Variants in TAFA2 observed in about 807,000 individuals in gnomAD.
TAFA2 encodes the protein chemokine-like protein TAFA-2.
A neutral mutation model predicts 18.8 loss-of-function variants in TAFA2; 7 were observed. The ratio of observed to expected loss-of-function variants is 0.37; its 90% CI spans 0.21 to 0.70. TAFA2 has a LOEUF of 0.70. Among genes scored for constraint, TAFA2 ranks in the 30% least tolerant of loss-of-function variants. The pLI is 0.53. For missense variants in TAFA2, 122 were observed against 158.1 expected (o/e 0.77, Z 1.23); for synonymous variants, 60 against 54.2 (o/e 1.11, Z -0.47).
intron 2 of TAFA2, among the ~76,000 whole-genome samples, chr12:61,862,485 A>G (rs1874169594): frequency 6.6e-6 from 1 of 152,216 alleles, no homozygotes; most frequent in South Asian, 2.1e-4. Flanking sequence ...GGATTTCTAC[A>G]GTGTTCCTAC....
intron 4 of TAFA2, among the ~76,000 whole-genome samples, chr12:61,717,696 T>C (rs1014238560): frequency 1.3e-5 from 2 of 152,282 alleles, no homozygotes; most frequent in South Asian, 2.1e-4. Flanking sequence ...TATATTTAGG[T>C]GTAAATCAGT....
intron 4 of TAFA2, among the ~76,000 whole-genome samples, chr12:61,750,363 A>G (rs1417399964): frequency 1.3e-5 from 2 of 151,996 alleles, no homozygotes; most frequent in African/African-American, 4.8e-5. Context: ...TTGGGAAACA[A>G]CTGTTGCATC....
At chr12:62,218,437 A>T (rs1286853040) in intron 1 of TAFA2, among the ~76,000 whole-genome samples, 2 of 152,210 alleles carry the variant, frequency 1.3e-5, no homozygotes, top group Non-Finnish European at 2.9e-5. Context: ...GTAGGCTCAC[A>T]TCCCTAGTTA....
chr12:62,155,500 C>A (rs1012509444), intron 1 of TAFA2, among the ~76,000 whole-genome samples: 1 of 152,034 alleles, frequency 6.6e-6, no homozygotes, highest in Non-Finnish European at 1.5e-5. Context: ...CAAGACTAAG[C>A]AAAATGAACA....
At chr12:61,890,700 GGT>G (rs1299434052) in intron 1 of TAFA2, among the ~76,000 whole-genome samples, 18 of 152,250 alleles carry the variant, frequency 1.2e-4, no homozygotes, top group African/African-American at 3.9e-4. Flanking sequence ...CCTCTTGACA[GGT>G]TAAATTTTGA....
chr12:62,032,100 G>A (rs964021946), intron 1 of TAFA2, among the ~76,000 whole-genome samples: 1 of 152,088 alleles, frequency 6.6e-6, no homozygotes, highest in Non-Finnish European at 1.5e-5. Flanking sequence ...GTTATTGATG[G>A]CACAATACCA....
At chr12:61,928,559 C>A (rs1212624959) in intron 1 of TAFA2, among the ~76,000 whole-genome samples, 1 of 152,154 alleles carries the variant, frequency 6.6e-6, no homozygotes, top group Non-Finnish European at 1.5e-5. Flanking sequence ...TGCTTTTACA[C>A]TGTTGTGGGA....
chr12:61,990,731 C>T (rs1184050044), intron 1 of TAFA2, among the ~76,000 whole-genome samples: 1 of 152,168 alleles, frequency 6.6e-6, no homozygotes, highest in African/African-American at 2.4e-5. Flanking sequence ...TGTGGTAGTG[C>T]TTAGCAAACA....
chr12:62,060,759 T>C (rs1021253847), intron 1 of TAFA2, among the ~76,000 whole-genome samples: 3 of 152,152 alleles, frequency 2.0e-5, no homozygotes, highest in Admixed American at 6.5e-5. Flanking sequence ...CCTGACCCCG[T>C]CTAGGCCTAG....
intron 1 of TAFA2, among the ~76,000 whole-genome samples, chr12:62,112,102 G>C (rs1869759081): frequency 1.3e-5 from 2 of 152,084 alleles, no homozygotes; most frequent in Non-Finnish European, 2.9e-5. Context: ...TTACAATTTG[G>C]TGTGTTTTTG....
At chr12:62,204,316 T>C (rs1439379823) in intron 1 of TAFA2, among the ~76,000 whole-genome samples, 1 of 152,092 alleles carries the variant, frequency 6.6e-6, no homozygotes, top group Non-Finnish European at 1.5e-5. Flanking sequence ...TTATGTGTCT[T>C]GGGGTTGATC....
chr12:61,764,696 C>T (rs1869713111), intron 2 of TAFA2, among the ~76,000 whole-genome samples: 1 of 152,010 alleles, frequency 6.6e-6, no homozygotes, highest in African/African-American at 2.4e-5. Context: ...ATCTTTTAAA[C>T]CTTTCAGAAA....
intron 1 of TAFA2, among the ~76,000 whole-genome samples, chr12:61,953,157 A>G (rs998591169): frequency 1.3e-5 from 2 of 152,124 alleles, no homozygotes; most frequent in Non-Finnish European, 2.9e-5. Flanking sequence ...GAGCCAGTTC[A>G]GTGTCCTGAG....
chr12:61,850,780 A>G lies in TAFA2; in HGVS notation c.106+16540T>C, dbSNP rs148892763. ...AAAGTATGCAATACCTCACCCTCAA[A>G]TATATTAAAAACTAGAAAGAAAATC... On this transcript the variant is annotated intron_variant, in intron 2 of 4. Transcript: ENST00000416284. Among the ~76,000 whole-genome samples, 349 of 152,278 alleles carry G rather than the reference A, an allele frequency of 2.3e-3. 1 individual carries two copies. The highest frequency in any genetic ancestry group is 8.0e-3 in the African/African-American group (331 of 41,558).
At chr12:61,808,601 CATGTAGTTT>C (rs1272340742) in intron 2 of TAFA2, among the ~76,000 whole-genome samples, 3 of 151,290 alleles carry the variant, frequency 2.0e-5, no homozygotes, top group Non-Finnish European at 2.9e-5. Context: ...AGAAAAAAGT[CATGTAGTTT>C]AGCAGGAAGT....
intron 1 of TAFA2, among the ~76,000 whole-genome samples, chr12:61,879,000 G>T (rs1316547045): frequency 2.0e-5 from 3 of 152,150 alleles, no homozygotes; most frequent in African/African-American, 7.2e-5. Context: ...TTAGTAATTA[G>T]CACAGCCAGA....
intron 1 of TAFA2, among the ~76,000 whole-genome samples, chr12:62,030,774 G>A (rs1022697130): frequency 6.6e-6 from 1 of 151,278 alleles, no homozygotes; most frequent in Non-Finnish European, 1.5e-5. Context: ...GGAAACAGAG[G>A]TTTGTTGTTG....
chr12:61,846,171 T>C (rs1301291513), intron 2 of TAFA2, among the ~76,000 whole-genome samples: 1 of 152,174 alleles, frequency 6.6e-6, no homozygotes, highest in Non-Finnish European at 1.5e-5. Context: ...AACTGATCAA[T>C]AGCAATATCC....
intron 1 of TAFA2, chr12:62,252,884 G>C (rs1430172488): frequency 2.6e-5 from 4 of 152,212 alleles, no homozygotes; most frequent in African/African-American, 9.7e-5. Context: ...GGTGGAAGCA[G>C]CTGAAGCACT....
Sources: allele counts gnomAD v4.1 joint callset (sites outside exome capture counted in the v4.1 genomes callset), GRCh38; gene constraint gnomAD v4.1.1; transcripts MANE v1.5; gene names NCBI Gene and HGNC (gene_info 2026-07-23, HGNC 2026-07-21).